The following SLC41A2 variants were observed in gnomAD, a reference collection of about 807,000 sequenced individuals.
SLC41A2 encodes solute carrier family 41 member 2.
A neutral mutation model predicts 58.3 loss-of-function variants in SLC41A2; 32 were observed. The ratio of observed to expected loss-of-function variants is 0.55; its 90% CI spans 0.41 to 0.74. The LOEUF (loss-of-function observed/expected upper bound fraction) is 0.74, where lower values mean the gene tolerates loss of function less well. Ranked by LOEUF, SLC41A2 falls within the 30% of genes least tolerant of loss-of-function variation. The pLI is 0.00. For missense variants in SLC41A2, 514 were observed against 680.6 expected (o/e 0.76, Z 2.72); for synonymous variants, 190 against 235.0 (o/e 0.81, Z 1.75).
chr12:104,914,379 A>G (rs2135802194), intron 2 of SLC41A2, among the ~76,000 whole-genome samples: 1 of 152,268 alleles, frequency 6.6e-6, no homozygotes, highest in South Asian at 2.1e-4. Flanking sequence ...ATAACTTCTC[A>G]AATGTTGGAA....
At chr12:104,946,483 A>G (rs1430075133) in intron 1 of SLC41A2, among the ~76,000 whole-genome samples, 1 of 152,182 alleles carries the variant, frequency 6.6e-6, no homozygotes, top group Admixed American at 6.5e-5. Context: ...TACATTGCTC[A>G]GACTGGTCTT....
chr12:104,887,499 G>A (rs1381796988), intron 5 of SLC41A2, among the ~76,000 whole-genome samples: 2 of 151,566 alleles, frequency 1.3e-5, no homozygotes, highest in East Asian at 3.9e-4. Flanking sequence ...TATTCTGGAG[G>A]CTTTTTAAAT....
chr12:104,930,174 A>G (rs1416950788), intron 1 of SLC41A2, among the ~76,000 whole-genome samples: 2 of 152,042 alleles, frequency 1.3e-5, no homozygotes, highest in Admixed American at 6.6e-5. Flanking sequence ...TTTCCATGTG[A>G]TGATTATGGT....
intron 8 of SLC41A2, 81 bp from the exon 9 acceptor site, chr12:104,846,055 G>A (rs1475707217): frequency 4.4e-5 from 63 of 1,423,436 alleles, no homozygotes; most frequent in East Asian, 1.4e-4. Context: ...AAGCCTCTTC[G>A]TGTAACATTC....
At chr12:104,844,896 A>G (rs1195132541) in intron 9 of SLC41A2, among the ~76,000 whole-genome samples, 1 of 152,202 alleles carries the variant, frequency 6.6e-6, no homozygotes, top group Non-Finnish European at 1.5e-5. Flanking sequence ...GAGAAAATAT[A>G]AAGTTCTTAC....
chr12:104,948,946 G>C (rs1172335441), intron 1 of SLC41A2, among the ~76,000 whole-genome samples: 1 of 152,270 alleles, frequency 6.6e-6, no homozygotes, highest in East Asian at 1.9e-4. Context: ...GGCTGGGCGT[G>C]GTGGCTCATG....
chr12:104,881,495 C>A (rs758369200), intron 6 of SLC41A2, among the ~76,000 whole-genome samples: 3 of 152,072 alleles, frequency 2.0e-5, no homozygotes, highest in Non-Finnish European at 4.4e-5. Context: ...TAAATGTGTC[C>A]CAGAGATTCT....
chr12:104,931,974 G>T (rs1320272415), intron 1 of SLC41A2, among the ~76,000 whole-genome samples: 8 of 152,104 alleles, frequency 5.3e-5, no homozygotes, highest in Non-Finnish European at 1.0e-4. Flanking sequence ...TTTTGTTTTT[G>T]TGTGTGTGTG....
chr12:104,860,686 G>C (rs1294244008), intron 8 of SLC41A2, among the ~76,000 whole-genome samples: 1 of 151,906 alleles, frequency 6.6e-6, no homozygotes, highest in Non-Finnish European at 1.5e-5. Flanking sequence ...CAATCCTCCT[G>C]CCTCAGCCTC....
At chr12:104,875,268 T>A (rs2043991050) in intron 6 of SLC41A2, among the ~76,000 whole-genome samples, 2 of 152,186 alleles carry the variant, frequency 1.3e-5, no homozygotes, top group Non-Finnish European at 2.9e-5. Context: ...ATAGTTTTCA[T>A]TTATTTTGTT....
intron 10 of SLC41A2, among the ~76,000 whole-genome samples, chr12:104,814,401 C>CA (rs982282483): frequency 2.6e-5 from 4 of 152,010 alleles, no homozygotes; most frequent in African/African-American, 7.2e-5. Context: ...AACAAACAAA[C>CA]AAAAAAACAC....
intron 10 of SLC41A2, among the ~76,000 whole-genome samples, chr12:104,815,837 G>A (rs1301367981): frequency 6.6e-6 from 1 of 152,074 alleles, no homozygotes; most frequent in Non-Finnish European, 1.5e-5. Context: ...CAATCAACAG[G>A]AATTCAGTCT....
intron 3 of SLC41A2, among the ~76,000 whole-genome samples, chr12:104,903,707 CGTTTTCTTATTTCCTTATAAT>C (rs1235645480): frequency 3.3e-5 from 5 of 152,218 alleles, no homozygotes; most frequent in Non-Finnish European, 1.5e-5. Context: ...TTCTTATTTA[CGTTTTCTTATTTCCTTATAAT>C]GTTTTCTTAT....
At chr12:104,858,624 T>A (rs2043101551) in intron 8 of SLC41A2, among the ~76,000 whole-genome samples, 2 of 152,206 alleles carry the variant, frequency 1.3e-5, no homozygotes, top group Admixed American at 1.3e-4. Flanking sequence ...TCTCTATTAA[T>A]GTTTTTTAAA....
intron 3 of SLC41A2, among the ~76,000 whole-genome samples, chr12:104,900,024 T>C (rs1190563882): frequency 6.6e-6 from 1 of 152,166 alleles, no homozygotes; most frequent in Non-Finnish European, 1.5e-5. Flanking sequence ...TTTTCTGTAC[T>C]TCTAGAATCT....
chr12:104,903,857 AC>A (rs1172089220), intron 3 of SLC41A2, among the ~76,000 whole-genome samples: 1 of 152,194 alleles, frequency 6.6e-6, no homozygotes, highest in Non-Finnish European at 1.5e-5. Flanking sequence ...CAGAGTAGAG[AC>A]CACAGATGGC....
intron 3 of SLC41A2, among the ~76,000 whole-genome samples, chr12:104,900,948 A>T (rs1448988469): frequency 2.0e-5 from 3 of 152,212 alleles, no homozygotes; most frequent in Admixed American, 6.5e-5. Context: ...AAAGGCAGAA[A>T]CATTTTCTGT....
chr12:104,871,074 T>C (rs946922753), intron 6 of SLC41A2, among the ~76,000 whole-genome samples: 1 of 152,208 alleles, frequency 6.6e-6, no homozygotes, highest in Non-Finnish European at 1.5e-5. Flanking sequence ...TTAGTCTCCA[T>C]AGGAATGCAG....
At chr12:104,860,046 A>G (rs139139619) in intron 8 of SLC41A2, among the ~76,000 whole-genome samples, 222 of 152,252 alleles carry the variant, frequency 1.5e-3, no homozygotes, top group Middle Eastern at 0.01. Flanking sequence ...CCCAACTGAC[A>G]TATTTTCTTT....
Sources: allele counts gnomAD v4.1 joint callset (sites outside exome capture counted in the v4.1 genomes callset), GRCh38; gene constraint gnomAD v4.1.1; transcripts MANE v1.5; gene names NCBI Gene and HGNC (gene_info 2026-07-23, HGNC 2026-07-21).